The following COL4A5 variants were observed in gnomAD, a reference collection of about 807,000 sequenced individuals.
COL4A5 encodes collagen alpha-5(IV) chain.
Under a neutral mutation model 130.2 loss-of-function variants are expected in COL4A5, and 26 were observed. The ratio of observed to expected loss-of-function variants is 0.20; its 90% CI spans 0.15 to 0.28. COL4A5 has a LOEUF of 0.28. Ranked by LOEUF, COL4A5 falls within the 10% of genes least tolerant of loss-of-function variation. The pLI, the probability that COL4A5 is intolerant of heterozygous loss-of-function variation, is 1.00. For synonymous variants in COL4A5, 496 were observed against 439.6 expected, an observed-to-expected ratio of 1.13 and a Z score of -1.60; for missense variants, 1,131 against 1,344.3, an observed-to-expected ratio of 0.84 and a Z score of 2.48.
chrX:108,528,393 A>T (rs914272227), intron 1 of COL4A5, among the ~76,000 whole-genome samples: 1 of 112,645 alleles, frequency 8.9e-6, no homozygotes, highest in Non-Finnish European at 1.9e-5. Flanking sequence ...ATGAAAGTAA[A>T]TTCAAAAATA....
chrX:108,507,006 T>C (rs1646594317), intron 1 of COL4A5, among the ~76,000 whole-genome samples: 1 of 110,106 alleles, frequency 9.1e-6, no homozygotes, highest in African/African-American at 3.3e-5. Flanking sequence ...AGAAATGGAT[T>C]CCCTGAACAA....
At chrX:108,487,792 T>C (rs995251071) in intron 1 of COL4A5, among the ~76,000 whole-genome samples, 2 of 112,340 alleles carry the variant, frequency 1.8e-5, no homozygotes, top group Non-Finnish European at 3.8e-5. Context: ...AAAGCTCTTA[T>C]AGCTAATCAA....
At chrX:108,515,494 C>T (rs748109601) in intron 1 of COL4A5, among the ~76,000 whole-genome samples, 6 of 111,728 alleles carry the variant, frequency 5.4e-5, no homozygotes, top group Non-Finnish European at 1.1e-4. Context: ...GCACCTCCAT[C>T]TTCCAGACCT....
At chrX:108,454,231 CT>C (rs995407746) in intron 1 of COL4A5, among the ~76,000 whole-genome samples, 2 of 111,582 alleles carry the variant, frequency 1.8e-5, no homozygotes, top group Admixed American at 9.5e-5. Flanking sequence ...CAATAATTTT[CT>C]TTTTTCTTTT....
intron 37 of COL4A5, among the ~76,000 whole-genome samples, chrX:108,661,231 T>C (rs2067952844): frequency 8.9e-6 from 1 of 112,042 alleles, no homozygotes; most frequent in Non-Finnish European, 1.9e-5. Context: ...CTGTCGTATT[T>C]TCTCCTCTTC....
intron 2 of COL4A5, among the ~76,000 whole-genome samples, chrX:108,548,096 G>A (rs981164700): frequency 6.8e-4 from 75 of 111,099 alleles, no homozygotes; most frequent in Non-Finnish European, 1.2e-3. Flanking sequence ...GCTCACGCTC[G>A]GTGCGCTGCA....
At chrX:108,588,048 C>T (rs1172441550) in intron 19 of COL4A5, among the ~76,000 whole-genome samples, 1 of 110,819 alleles carries the variant, frequency 9.0e-6, no homozygotes, top group Non-Finnish European at 1.9e-5. Flanking sequence ...GAGCTCAATA[C>T]TGAGTTTTAT....
chrX:108,552,480 A>G (rs1195381983), intron 2 of COL4A5, among the ~76,000 whole-genome samples: 2 of 112,014 alleles, frequency 1.8e-5, no homozygotes, highest in African/African-American at 3.2e-5. Context: ...AATCAGTCAT[A>G]TGTCCATAAT....
intron 37 of COL4A5, 58 bp from the exon 38 acceptor site, chrX:108,665,449 G>A: frequency 1.2e-6 from 1 of 836,077 alleles, no homozygotes; most frequent in Non-Finnish European, 1.8e-6. Context: ...AGTTTGAATT[G>A]TAGCTCTTAA....
intron 1 of COL4A5, among the ~76,000 whole-genome samples, chrX:108,495,609 A>G (rs1034636014): frequency 8.9e-5 from 10 of 112,047 alleles, no homozygotes; most frequent in Admixed American, 6.6e-4. Context: ...TGACAAAGAA[A>G]TTTGGAGAAG....
At chrX:108,569,365 A>T (rs1410410093) in intron 6 of COL4A5, among the ~76,000 whole-genome samples, 1 of 112,217 alleles carries the variant, frequency 8.9e-6, no homozygotes, top group Non-Finnish European at 1.9e-5. Context: ...TAACAATTTT[A>T]AATAACCCTA....
At chrX:108,525,102 C>T (rs1455083536) in intron 1 of COL4A5, among the ~76,000 whole-genome samples, 2 of 111,323 alleles carry the variant, frequency 1.8e-5, no homozygotes, top group Non-Finnish European at 3.8e-5. Context: ...TTGAAGTCCC[C>T]AACTATTTTT....
At chrX:108,531,149 A>G (rs2065378937) in intron 1 of COL4A5, among the ~76,000 whole-genome samples, 1 of 95,899 alleles carries the variant, frequency 1.0e-5, no homozygotes, top group Admixed American at 1.2e-4. Flanking sequence ...CATAGGTGGG[A>G]ATTGAACAAT....
At chrX:108,662,318 A>G (rs1177976802) in intron 37 of COL4A5, among the ~76,000 whole-genome samples, 1 of 110,833 alleles carries the variant, frequency 9.0e-6, no homozygotes, top group Non-Finnish European at 1.9e-5. Context: ...GTTCTCATTT[A>G]GTGTTTCTTA....
Position 108,440,016 on chromosome X carries a change from C to T in COL4A5, c.-110C>T. The T allele has an allele frequency of 1.7e-6, 1 of 576,666 alleles. No homozygotes were observed. Among genetic ancestry groups the T allele is most frequent in the South Asian group, 2.4e-5 (1 of 40,885 alleles). 47.5% of individuals were successfully genotyped at this position (576,666 alleles called of 1,213,427 possible). On this transcript the variant is annotated 5_prime_UTR_variant, in exon 1 of 53. Coordinates refer to ENST00000328300, the MANE Select transcript of COL4A5 (RefSeq NM_033380.3). ...TTCTCTTCACCCAAGCCTCACTGTC[C>T]CTCTCCGGCTCTAGCTCTCTCCATA...
intron 31 of COL4A5, among the ~76,000 whole-genome samples, chrX:108,621,534 C>T (rs2067050973): frequency 9.1e-6 from 1 of 110,085 alleles, no homozygotes; most frequent in Non-Finnish European, 1.9e-5. Flanking sequence ...GGTACAGAAT[C>T]AACCCTAGTT....
rs553405651 is a variant in COL4A5, at chrX:108,510,600, C to T, written c.82-29146C>T. ...ACAATACGAATACTACCACCATAGTCGGATGAATATTAAATAAAAGCAGGA... is the reference window on the plus strand; with the variant it reads ...ACAATACGAATACTACCACCATAGTTGGATGAATATTAAATAAAAGCAGGA... On this transcript the variant is annotated intron_variant, in intron 1 of 52. Coordinates refer to ENST00000328300, the MANE Select transcript of COL4A5 (RefSeq NM_033380.3). Among the ~76,000 whole-genome samples, 4 of 110,474 alleles carry T rather than the reference C, an allele frequency of 3.6e-5. No individual in the cohort carries two copies. In the South Asian group the frequency reaches 1.2e-3, roughly 32 times the overall value.
At position 108,667,120 on chromosome X, in the gene COL4A5, T is replaced by C; in HGVS notation, c.3554-13T>C. 8.3e-7 allele frequency: 1 copy of C among 1,210,334 alleles called. No homozygotes were observed. Among genetic ancestry groups the C allele is most frequent in the Non-Finnish European group, 1.1e-6 (1 of 894,076 alleles). The stretch of plus-strand genomic sequence containing the variant: ...CTTGAGTTTTTGTTTTGTTTTGTTT[T>C]GTACTCTGACAGGTCAACCAGGCTT... On this transcript the variant is annotated splice_polypyrimidine_tract_variant and intron_variant, in intron 39 of 52. Coordinates refer to ENST00000328300, the MANE Select transcript of COL4A5 (RefSeq NM_033380.3).
At position 108,598,768 on chromosome X, in the gene COL4A5, A is replaced by G; in HGVS notation, c.1846A>G (p.Asn616Asp). ...CCCAGGTTTACCAGGCCTCCCAGGG[A>G]ATATAGGGCCTATGGGTCCCCCTGG... ...GNPGLPGLPGNIGPMGPPGFG... is the reference protein window; with the variant it reads ...GNPGLPGLPGDIGPMGPPGFG... Residue 616 changes from asparagine (N) to aspartate (D), a missense_variant, in exon 25 of 53, where the codon AAT becomes GAT. Asn to Asp is a conservative substitution (Grantham distance 23). Transcript: ENST00000328300. 7 of 1,210,133 alleles carry G rather than the reference A, an allele frequency of 5.8e-6. No individual in the cohort carries two copies. Among genetic ancestry groups the G allele is most frequent in the Non-Finnish European group, 7.8e-6 (7 of 894,183 alleles).
Sources: gnomAD v4.1 joint callset for allele counts (sites outside exome capture counted in the v4.1 genomes callset) on GRCh38, gnomAD v4.1.1 for gene constraint, MANE v1.5 for transcripts, NCBI Gene and HGNC (gene_info 2026-07-23, HGNC 2026-07-21) for gene names.